The following NBAS variants were observed in gnomAD, a reference collection of about 807,000 sequenced individuals.
The protein encoded by NBAS is NBAS subunit of NRZ tethering complex.
A neutral mutation model predicts 302.5 loss-of-function variants in NBAS; 219 were observed. The observed-to-expected ratio is 0.72, with a 90% confidence interval of 0.65 to 0.81. The LOEUF is 0.81. Ranked by LOEUF, NBAS falls within the 30% of genes least tolerant of loss-of-function variation. The pLI, the probability that NBAS is intolerant of heterozygous loss-of-function variation, is 0.00. For missense variants in NBAS, 2,932 were observed against 2,841.6 expected (o/e 1.03, Z -0.72); for synonymous variants, 1,118 against 1,021.6 (o/e 1.09, Z -1.80).
the NBAS span, among the ~76,000 whole-genome samples, chr2:14,842,231 TAGAA>T: frequency 3.3e-5 from 5 of 151,892 alleles, no homozygotes; most frequent in South Asian, 6.2e-4. Context: ...TCAAAAAAAT[TAGAA>T]AGACTTCAAA....
intron 9 of NBAS, among the ~76,000 whole-genome samples, chr2:15,524,230 C>T (rs1198579451): frequency 2.0e-5 from 3 of 152,134 alleles, no homozygotes; most frequent in African/African-American, 4.8e-5. Flanking sequence ...CTGCCCTATT[C>T]GGGAGACACG....
In NBAS at chr2:15,234,614, A is replaced by G; in HGVS notation, c.6077T>C (p.Val2026Ala). 2 of 1,614,168 alleles carry G rather than the reference A, an allele frequency of 1.2e-6. No homozygotes were observed. Among genetic ancestry groups the G allele is most frequent in the South Asian group, 1.1e-5 (1 of 91,084 alleles). The change falls in exon 46 of 52, where the codon GTT becomes GCT. Residue 2026 changes from valine to alanine, a missense_variant. Transcript: ENST00000281513. ...AMIQQLLEVA[V>A]GPLDISPKDI... Reference sequence around the variant, plus strand: ...CTTGGGTGAGATGTCAAGAGGGCCAACTGCCACCTCTAGCAGCTGCTGAAT... The same window carrying G: ...CTTGGGTGAGATGTCAAGAGGGCCAGCTGCCACCTCTAGCAGCTGCTGAAT...
At chr2:15,166,812 A>T, downstream of NBAS, 2 of 471,708 alleles carry the variant, frequency 4.2e-6, no homozygotes. Flanking sequence ...AGGTTGAAAT[A>T]AAAAAGGAGG....
chr2:14,909,366 T>TTAAAAAAAAAAA, the NBAS span, among the ~76,000 whole-genome samples: 2 of 78,582 alleles, frequency 2.5e-5, no homozygotes, highest in African/African-American at 1.1e-4. Flanking sequence ...GGAGAGTTTC[T>TTAAAAAAAAAAA]AAAAAAAAAA....
chr2:14,925,933 G>A, the NBAS span, among the ~76,000 whole-genome samples: 258 of 152,304 alleles, frequency 1.7e-3, 1 homozygote, highest in African/African-American at 6.1e-3. Context: ...TATATTGCTA[G>A]TGTTTAAAGC....
At chr2:15,204,029 G>C (rs912938323) in intron 48 of NBAS, among the ~76,000 whole-genome samples, 1 of 151,816 alleles carries the variant, frequency 6.6e-6, no homozygotes, top group Non-Finnish European at 1.5e-5. Flanking sequence ...TGGGAGGTTG[G>C]GGCAGCAGGA....
the NBAS span, among the ~76,000 whole-genome samples, chr2:14,960,024 C>T: frequency 1.3e-4 from 20 of 152,188 alleles, no homozygotes; most frequent in Admixed American, 3.9e-4. Flanking sequence ...TTGGAAATGA[C>T]GTTTCTTTTA....
At chr2:14,797,747 A>G in the NBAS span, among the ~76,000 whole-genome samples, 1 of 152,052 alleles carries the variant, frequency 6.6e-6, no homozygotes, top group Non-Finnish European at 1.5e-5. Context: ...GAAGCCAGCC[A>G]CAGACTGTTG....
chr2:15,238,041 C>T (rs1364725290), intron 45 of NBAS, among the ~76,000 whole-genome samples: 1 of 152,122 alleles, frequency 6.6e-6, no homozygotes, highest in Non-Finnish European at 1.5e-5. Flanking sequence ...TCCCTAAGTG[C>T]TGGGATTACA....
At chr2:15,341,366 A>C (rs984750344) in intron 35 of NBAS, among the ~76,000 whole-genome samples, 2 of 151,628 alleles carry the variant, frequency 1.3e-5, no homozygotes, top group Non-Finnish European at 2.9e-5. Flanking sequence ...TGCCTGGGCA[A>C]CAGAGCGAGA....
At chr2:14,859,138 G>A in the NBAS span, among the ~76,000 whole-genome samples, 1 of 151,828 alleles carries the variant, frequency 6.6e-6, no homozygotes, top group Admixed American at 6.6e-5. Flanking sequence ...AGAAGTGAAA[G>A]ATTTATATAA....
At chr2:15,334,318 T>C (rs1010039310) in intron 35 of NBAS, among the ~76,000 whole-genome samples, 3 of 152,078 alleles carry the variant, frequency 2.0e-5, no homozygotes, top group Non-Finnish European at 2.9e-5. Context: ...GCCTCCCAAG[T>C]AGCTGGGACT....
chr2:14,860,388 C>T, the NBAS span, among the ~76,000 whole-genome samples: 8,482 of 152,194 alleles, frequency 0.056, 795 homozygotes, highest in African/African-American at 0.19. Context: ...CATTCTCACG[C>T]ATTGCAGCAC....
chr2:15,358,091 C>T (rs1393931029), intron 32 of NBAS, among the ~76,000 whole-genome samples: 1 of 152,102 alleles, frequency 6.6e-6, no homozygotes, highest in Non-Finnish European at 1.5e-5. Context: ...ACCAGCCAGA[C>T]CACCAAGTGA....
the NBAS span, among the ~76,000 whole-genome samples, chr2:15,096,938 G>A: frequency 6.6e-6 from 1 of 152,206 alleles, no homozygotes; most frequent in South Asian, 2.1e-4. Flanking sequence ...AGGGACTGAA[G>A]CAAGAATGTG....
At chr2:14,801,333 C>T in the NBAS span, among the ~76,000 whole-genome samples, 1 of 152,018 alleles carries the variant, frequency 6.6e-6, no homozygotes, top group Non-Finnish European at 1.5e-5. Flanking sequence ...CTTGAAATTG[C>T]TCCATAGCTC....
At chr2:15,313,907 A>T (rs1471175160) in intron 38 of NBAS, among the ~76,000 whole-genome samples, 4 of 152,236 alleles carry the variant, frequency 2.6e-5, no homozygotes, top group Admixed American at 6.5e-5. Context: ...CTTTCTAGGA[A>T]ACTATGACTC....
the NBAS span, among the ~76,000 whole-genome samples, chr2:15,036,024 A>T: frequency 3.3e-5 from 5 of 152,310 alleles, no homozygotes; most frequent in African/African-American, 1.2e-4. Flanking sequence ...GTATGCACAT[A>T]TTTTAAATGT....
At chr2:15,357,041 G>A (rs969254283) in intron 32 of NBAS, among the ~76,000 whole-genome samples, 23 of 152,098 alleles carry the variant, frequency 1.5e-4, no homozygotes, top group African/African-American at 5.6e-4. Flanking sequence ...GTCATCCCTG[G>A]TAATCTGATC....
Sources: gnomAD v4.1 joint callset for allele counts (sites outside exome capture counted in the v4.1 genomes callset) on GRCh38, gnomAD v4.1.1 for gene constraint, MANE v1.5 for transcripts, NCBI Gene and HGNC (gene_info 2026-07-23, HGNC 2026-07-21) for gene names.